The following COL9A3 variants were observed in gnomAD, a reference collection of about 807,000 sequenced individuals.
COL9A3 encodes collagen type IX alpha 3 chain, also known as collagen alpha-3(IX) chain.
Under a neutral mutation model 110.2 loss-of-function variants are expected in COL9A3, and 82 were observed. The observed-to-expected ratio is 0.74, with a 90% CI of 0.62 to 0.89. The LOEUF is 0.89. Among genes scored for constraint, COL9A3 ranks in the 40% least tolerant of loss-of-function variants. COL9A3 has a pLI of 0.00. For missense variants in COL9A3, 1,066 were observed against 981.3 expected, an observed-to-expected ratio of 1.09 and a Z score of -1.15; for synonymous variants, 494 against 403.8, an observed-to-expected ratio of 1.22 and a Z score of -2.68.
chr20:62,826,265 C>T lies in COL9A3; in HGVS notation c.738+8C>T, dbSNP rs755025250. On this transcript the variant is annotated splice_region_variant and intron_variant, in intron 14 of 31. Transcript: ENST00000649368. ...GGGCCCCCTGGGGACCGGGTAAGTC[C>T]TGCAGCCCCTAGTGGGGGCCGGCCA... is the stretch of plus-strand genomic sequence containing the variant. 58 of 1,548,704 alleles carry T rather than the reference C, an allele frequency of 3.7e-5. No individual in the cohort carries two copies. The highest frequency in any genetic ancestry group is 5.0e-5 in the Non-Finnish European group (57 of 1,147,336).
chr20:62,836,513 G>A lies in COL9A3; in HGVS notation c.1584G>A (p.Leu528=), dbSNP rs1555825307. ...CCAGCGAGCAGCGCATCAGGGAGCT[G>A]TGTGGGGGGATGATCAGCGGTAAGT... The part of the protein sequence containing the change: ...KEASEQRIRE[L]CGGMISEQIA... Residue 528 remains leucine (L), a synonymous_variant, in exon 29 of 32, where the codon CTG becomes CTA. Transcript: ENST00000649368. 3 of 1,612,832 alleles carry A rather than the reference G, an allele frequency of 1.9e-6. No individual in the cohort carries two copies.
intron 24 of COL9A3, among the ~76,000 whole-genome samples, chr20:62,830,965 C>G (rs1255318813): frequency 6.6e-6 from 1 of 151,456 alleles, no homozygotes; most frequent in East Asian, 2.0e-4. Flanking sequence ...GGGTGGGAGG[C>G]TGCGGGAGCC....
At chr20:62,827,380 C>G (rs538965786) in intron 16 of COL9A3, 86 bp downstream of exon 16, 1 of 1,428,628 alleles carries the variant, frequency 7.0e-7, no homozygotes, top group Non-Finnish European at 9.7e-7. Flanking sequence ...GGGGGACACA[C>G]TTGGGAGTGA....
In COL9A3 at chr20:62,819,268, G is replaced by A. The variant is rs532209302; in HGVS notation, c.230G>A (p.Gly77Glu). The A allele has an allele frequency of 1.2e-5, 19 of 1,612,210 alleles. No individual in the cohort carries two copies. The East Asian group carries it at 4.0e-4, about 34-fold the overall frequency. The change falls in exon 4 of 32, where the codon GGG (glycine) becomes GAG (glutamate). Residue 77 changes from glycine to glutamate, a missense_variant. By Grantham distance (98) the Gly-to-Glu change is moderately conservative. Transcript: ENST00000649368. ...PGKPGKPGEA[G>E]LPGLPGVDGL... The stretch of plus-strand genomic sequence containing the variant: ...AAGCCGGGGAAACCAGGAGAGGCTG[G>A]GCTGCCGGGACTGCCGGGTGTGGAT...
At chr20:62,823,764 T>G in intron 10 of COL9A3, among the ~76,000 whole-genome samples, 1 of 152,238 alleles carries the variant, frequency 6.6e-6, no homozygotes, top group Non-Finnish European at 1.5e-5. Context: ...AAAAGCCCCA[T>G]GCCGAGCACA....
chr20:62,832,331 G>C, intron 25 of COL9A3, 142 bp downstream of exon 25: 2 of 575,730 alleles, frequency 3.5e-6, no homozygotes, highest in East Asian at 5.8e-5. Context: ...TCTGTCAGTC[G>C]CCCTTTCTGG....
chr20:62,821,462 CCTT>C, intron 6 of COL9A3, 42 bp from the exon 7 acceptor site: 1 of 1,612,344 alleles, frequency 6.2e-7, no homozygotes, highest in Non-Finnish European at 8.5e-7. Flanking sequence ...GAGGCGCAGC[CCTT>C]CTTGTGCCTG....
In COL9A3 at chr20:62,840,590, C is replaced by T; in HGVS notation, c.1913C>T (p.Pro638Leu). The T allele has an allele frequency of 6.2e-7, 1 of 1,612,936 alleles. No homozygotes were observed. Residue 638 changes from proline (P) to leucine (L), a missense_variant, in exon 32 of 32, where the codon CCC (proline) becomes CTC (leucine). Coordinates refer to ENST00000649368, the MANE Select transcript of COL9A3 (RefSeq NM_001853.4). ...AGCAAGGACGGCCAGGACGGTGCTC[C>T]CGGCGAGCCTGGGCCTCCCGGAGAT... ...GTSKDGQDGA[P>L]GEPGPPGDPG...
chr20:62,826,252 G>A lies in COL9A3; in HGVS notation c.733G>A (p.Asp245Asn), dbSNP rs569502735. 2 of 1,551,264 alleles carry A rather than the reference G, an allele frequency of 1.3e-6. No individual in the cohort carries two copies. Among genetic ancestry groups the A allele is most frequent in the Non-Finnish European group, 1.7e-6 (2 of 1,148,370 alleles). The change falls in exon 14 of 32, where the codon GAC becomes AAC. Residue 245 changes from aspartate (D) to asparagine (N), a missense_variant. Physicochemically the swap from Asp to Asn is conservative, Grantham distance 23. Transcript: ENST00000649368. ...GCCAGGGCCACTCGGGCCCCCTGGG[G>A]ACCGGGTAAGTCCTGCAGCCCCTAG... ...GLPGPLGPPG[D>N]RGPIGFRGPP...
intron 28 of COL9A3, 54 bp downstream of exon 28, chr20:62,836,387 T>C: frequency 6.2e-7 from 1 of 1,614,078 alleles, no homozygotes; most frequent in Non-Finnish European, 8.5e-7. Flanking sequence ...TCGTGTTTTT[T>C]CCGGAAGGAA....
At chr20:62,821,668 C>G (rs2063513983) in intron 7 of COL9A3, 89 bp from the exon 8 acceptor site, 4 of 1,543,250 alleles carry the variant, frequency 2.6e-6, no homozygotes, top group Non-Finnish European at 3.6e-6. Context: ...TGGAGCCCCT[C>G]TCCCTTCGGA....
intron 26 of COL9A3, 106 bp downstream of exon 26, chr20:62,833,170 G>A: frequency 2.1e-6 from 2 of 940,042 alleles, no homozygotes; most frequent in East Asian, 2.5e-5. Context: ...GCTCCCGGTG[G>A]AAGATCGGCA....
intron 11 of COL9A3, 128 bp downstream of exon 11, chr20:62,824,629 A>T: frequency 9.9e-7 from 1 of 1,006,098 alleles, no homozygotes; most frequent in Non-Finnish European, 1.5e-6. Flanking sequence ...CCCCAGGAAG[A>T]AAGCTAGGCC....
In COL9A3 at chr20:62,821,194, C is replaced by T. The variant is rs541706620; in HGVS notation, c.323C>T (p.Pro108Leu). 1.2e-6 allele frequency: 2 copies of T among 1,613,294 alleles called. No individual in the cohort carries two copies. The highest frequency in any genetic ancestry group is 1.7e-6 in the Non-Finnish European group (2 of 1,179,830). The change falls in exon 6 of 32, where the codon CCC (proline) becomes CTC (leucine). Residue 108 changes from proline to leucine, a missense_variant. Coordinates refer to ENST00000649368, the MANE Select transcript of COL9A3 (RefSeq NM_001853.4). The stretch of plus-strand genomic sequence containing the variant: ...TTCCTCCCACAGGGAAGTCTGGGAC[C>T]CCCGGGGCCGCCCGGGCTGGGGGTG... ...GAPGERGSLG[P>L]PGPPGLGGKG...
chr20:62,832,036 C>A, intron 24 of COL9A3, 118 bp from the exon 25 acceptor site: 1 of 1,035,762 alleles, frequency 9.7e-7, no homozygotes, highest in Non-Finnish European at 1.5e-6. Flanking sequence ...TTCACAGAAG[C>A]CCTTTGTGCA....
intron 19 of COL9A3, among the ~76,000 whole-genome samples, chr20:62,829,252 T>C (rs1362208631): frequency 6.6e-6 from 1 of 152,222 alleles, no homozygotes; most frequent in Non-Finnish European, 1.5e-5. Context: ...ATCACCCCCA[T>C]GGGCTCTGAG....
At chr20:62,817,964 T>G (rs1990990312) in intron 2 of COL9A3, 1 of 419,808 alleles carries the variant, frequency 2.4e-6, no homozygotes, top group Admixed American at 3.5e-5. Context: ...TTTGGGTGGT[T>G]GGGGGCCGGG....
intron 25 of COL9A3, among the ~76,000 whole-genome samples, chr20:62,832,413 G>A (rs186670662): frequency 2.0e-5 from 3 of 152,352 alleles, no homozygotes; most frequent in African/African-American, 4.8e-5. Context: ...CCCGGCATCC[G>A]CCGCTGCCTT....
Position 62,817,664 on chromosome 20 carries a change from G to C in COL9A3, c.147+29G>C, listed in dbSNP as rs1239664418. 6.1e-6 allele frequency: 9 copies of C among 1,486,128 alleles called. No homozygotes were observed. The Admixed American group carries it at 2.0e-4, about 33-fold the overall frequency. 92.1% of individuals were successfully genotyped at this position (1,486,128 alleles called of 1,614,324 possible). The stretch of plus-strand genomic sequence containing the variant: ...AGTTTGGGGGTGGGGAGGGCCCCGA[G>C]CGCTCTGGGGTTCTGGCTCTGGCCC... On this transcript the variant is annotated intron_variant, in intron 2 of 31. Transcript: ENST00000649368.
Sources: allele counts gnomAD v4.1 joint callset (sites outside exome capture counted in the v4.1 genomes callset), GRCh38; gene constraint gnomAD v4.1.1; transcripts MANE v1.5; gene names NCBI Gene and HGNC (gene_info 2026-07-23, HGNC 2026-07-21).